TAB2: variants seen among roughly 807,000 people sequenced by gnomAD.
TAB2 encodes the protein TGF-beta activated kinase 1 (MAP3K7) binding protein 2, also known as TGF-beta-activated kinase 1 and MAP3K7-binding protein 2.
A neutral mutation model predicts 65.0 loss-of-function variants in TAB2; 3 were observed. That is an observed-to-expected ratio of 0.05 (90% CI 0.02 to 0.12). The LOEUF (loss-of-function observed/expected upper bound fraction) is 0.12. Among genes scored for constraint, TAB2 ranks in the 10% least tolerant of loss-of-function variants. The probability of loss-of-function intolerance (pLI) is 1.00; values close to 1 mark genes in which losing one functional copy is unlikely to be tolerated. For synonymous variants in TAB2, 298 were observed against 285.1 expected (o/e 1.05, Z -0.46); for missense variants, 623 against 840.3 (o/e 0.74, Z 3.20).
chr6:149,308,005 GT>G (rs761618484), intron 1 of TAB2, among the ~76,000 whole-genome samples: 1 of 152,066 alleles, frequency 6.6e-6, no homozygotes, highest in Admixed American at 6.5e-5. Flanking sequence ...CCTCCTTCCT[GT>G]AATATTATAT....
At chr6:149,238,725 G>A (rs181580592) in intron 1 of TAB2, among the ~76,000 whole-genome samples, 6 of 152,288 alleles carry the variant, frequency 3.9e-5, no homozygotes, top group East Asian at 1.9e-4. Context: ...TGCACATCCC[G>A]GAAGCTGTCT....
intron 1 of TAB2, among the ~76,000 whole-genome samples, chr6:149,328,464 T>C (rs1262034961): frequency 6.6e-6 from 1 of 152,164 alleles, no homozygotes; most frequent in Non-Finnish European, 1.5e-5. Context: ...GGCTAATTTT[T>C]TGTGTGTTTA....
At chr6:149,237,305 C>A (rs1023574589) in intron 1 of TAB2, among the ~76,000 whole-genome samples, 3 of 152,168 alleles carry the variant, frequency 2.0e-5, no homozygotes, top group African/African-American at 7.2e-5. Flanking sequence ...ACAATCCCAC[C>A]TCTTGCAAAG....
intron 1 of TAB2, among the ~76,000 whole-genome samples, chr6:149,322,738 T>C (rs996493972): frequency 6.6e-6 from 1 of 152,176 alleles, no homozygotes; most frequent in African/African-American, 2.4e-5. Context: ...AAAATTCCAA[T>C]TCATGTAAAT....
intron 1 of TAB2, among the ~76,000 whole-genome samples, chr6:149,265,631 A>C (rs909424931): frequency 3.3e-5 from 5 of 152,178 alleles, no homozygotes; most frequent in Non-Finnish European, 5.9e-5. Context: ...AAGTTTTATG[A>C]AAAGTAGAAT....
At chr6:149,252,699 C>T (rs1042052550) in intron 1 of TAB2, among the ~76,000 whole-genome samples, 15 of 152,162 alleles carry the variant, frequency 9.9e-5, no homozygotes, top group African/African-American at 3.4e-4. Flanking sequence ...GCTCGTCTCA[C>T]CCTAGTCTTA....
intron 1 of TAB2, among the ~76,000 whole-genome samples, chr6:149,279,916 C>T (rs950839830): frequency 3.9e-5 from 6 of 152,172 alleles, no homozygotes; most frequent in African/African-American, 1.4e-4. Context: ...TTGTTTCCAG[C>T]CAGAGATCTG....
At chr6:149,370,191 G>C in intron 2 of TAB2, 92 bp downstream of exon 2, 4 of 1,120,882 alleles carry the variant, frequency 3.6e-6, no homozygotes, top group Non-Finnish European at 5.3e-6. Flanking sequence ...TCTTCTTGTT[G>C]GTGTTAGTGT....
intron 1 of TAB2, among the ~76,000 whole-genome samples, chr6:149,224,182 C>G (rs1777217676): frequency 1.3e-5 from 2 of 152,096 alleles, no homozygotes; most frequent in Non-Finnish European, 2.9e-5. Context: ...TTATAGCAGC[C>G]CATGAGTCGG....
At chr6:149,243,460 A>T (rs545876037) in intron 1 of TAB2, 2 of 152,252 alleles carry the variant, frequency 1.3e-5, no homozygotes, top group South Asian at 4.1e-4. Context: ...GGTAATTTAC[A>T]CTAGATTCAC....
intron 1 of TAB2, among the ~76,000 whole-genome samples, chr6:149,309,271 G>GC (rs151017089): frequency 3.5e-5 from 3 of 85,560 alleles, no homozygotes; most frequent in African/African-American, 5.6e-5. Flanking sequence ...TATATATGCT[G>GC]TTTTACATAT....
At chr6:149,362,890 C>T (rs1780897912) in intron 1 of TAB2, among the ~76,000 whole-genome samples, 1 of 152,132 alleles carries the variant, frequency 6.6e-6, no homozygotes, top group South Asian at 2.1e-4. Context: ...ATGTTTCTCC[C>T]TTGTCCCCTC....
intron 6 of TAB2, among the ~76,000 whole-genome samples, chr6:149,402,674 A>G (rs546972088): frequency 7.2e-4 from 110 of 152,318 alleles, no homozygotes; most frequent in Non-Finnish European, 1.3e-3. Flanking sequence ...AGACACTACA[A>G]CTAAAGAAAA....
chr6:149,289,798 A>G (rs1246963148), intron 1 of TAB2, among the ~76,000 whole-genome samples: 1 of 152,210 alleles, frequency 6.6e-6, no homozygotes, highest in Non-Finnish European at 1.5e-5. Context: ...ACTTGGTTTT[A>G]TACATTTTAG....
intron 1 of TAB2, among the ~76,000 whole-genome samples, chr6:149,323,890 A>C (rs1036538541): frequency 6.7e-6 from 1 of 149,352 alleles, no homozygotes; most frequent in East Asian, 2.0e-4. Flanking sequence ...ATAGGAATAC[A>C]TACAACTGAA....
At chr6:149,320,263 G>A (rs1779395828) in intron 1 of TAB2, among the ~76,000 whole-genome samples, 1 of 152,124 alleles carries the variant, frequency 6.6e-6, no homozygotes, top group Non-Finnish European at 1.5e-5. Flanking sequence ...TTTTAGTAGA[G>A]ATGGAGTTTC....
At chr6:149,366,249 GCCAGATAACTTGACTACAC>G (rs908280629) in intron 1 of TAB2, among the ~76,000 whole-genome samples, 2 of 152,126 alleles carry the variant, frequency 1.3e-5, no homozygotes, top group African/African-American at 4.8e-5. Context: ...TCTGTTTCAA[GCCAGATAACTTGACTACAC>G]TTAAAGTATA....
rs560620089 is a variant in TAB2 at position 149,278,653 on chromosome 6, C to T, written c.-121+59877C>T. ...GGAATCCGTAAACCAAAAGATGATG[C>T]GTTTGGGAAATAACAACGCATATCA... On this transcript the variant is annotated intron_variant, in intron 1 of 1. Coordinates refer to the TAB2 transcript ENST00000606202. Among the ~76,000 whole-genome samples the T allele has an allele frequency of 2.6e-5, 4 of 152,022 alleles. No homozygotes were observed. In the East Asian group the frequency reaches 5.8e-4, roughly 22 times the overall value.
chr6:149,298,955 A>T (rs1778924687), intron 1 of TAB2, among the ~76,000 whole-genome samples: 1 of 152,234 alleles, frequency 6.6e-6, no homozygotes, highest in Non-Finnish European at 1.5e-5. Context: ...GTTAATTTTG[A>T]ATTAAAAACA....
Sources: gnomAD v4.1 joint callset for allele counts (sites outside exome capture counted in the v4.1 genomes callset) on GRCh38, gnomAD v4.1.1 for gene constraint, MANE v1.5 for transcripts, NCBI Gene and HGNC (gene_info 2026-07-23, HGNC 2026-07-21) for gene names.